Variants in GCNT1 observed in about 807,000 individuals in gnomAD.
The protein encoded by GCNT1 is beta-1,3-galactosyl-O-glycosyl-glycoprotein beta-1,6-N-acetylglucosaminyltransferase.
A neutral mutation model predicts 26.2 loss-of-function variants in GCNT1; 16 were observed. The ratio of observed to expected loss-of-function variants is 0.61; its 90% confidence interval spans 0.41 to 0.93. The LOEUF (loss-of-function observed/expected upper bound fraction) is 0.93. Ranked by LOEUF, GCNT1 falls within the 40% of genes least tolerant of loss-of-function variation. The probability of loss-of-function intolerance (pLI) is 0.00; values close to 1 mark genes in which losing one functional copy is unlikely to be tolerated. For synonymous variants in GCNT1, 183 were observed against 190.8 expected (o/e 0.96, Z 0.34); for missense variants, 477 against 526.7 (o/e 0.91, Z 0.92).
intron 2 of GCNT1, among the ~76,000 whole-genome samples, chr9:76,488,634 A>G (rs1035733406): frequency 6.6e-6 from 1 of 151,980 alleles, no homozygotes; most frequent in Non-Finnish European, 1.5e-5. Context: ...ACAGGCACAC[A>G]CCACCATGCC....
the GCNT1 span, among the ~76,000 whole-genome samples, chr9:76,414,252 T>C: frequency 6.6e-6 from 1 of 152,358 alleles, no homozygotes; most frequent in African/African-American, 2.4e-5. Context: ...TGCCTTTTAG[T>C]GTGCCTTGTC....
chr9:76,449,700 C>A (rs1437680165), intron 1 of GCNT1, among the ~76,000 whole-genome samples: 5 of 152,206 alleles, frequency 3.3e-5, no homozygotes, highest in African/African-American at 1.2e-4. Context: ...GTATAAGCTC[C>A]TGGGTCTAAG....
chr9:76,498,389 C>T lies in GCNT1; in HGVS notation c.-289-2527C>T, dbSNP rs111841849. 4.8e-3 allele frequency among the ~76,000 whole-genome samples: 730 copies of T among 152,152 alleles called. 4 individuals carry two copies. Among genetic ancestry groups the T allele is most frequent in the Middle Eastern group, 0.024 (7 of 294 alleles). ...AACTCTAGTTTTAATTTTCTGTGGA[C>T]CCACCAAACATTCTAAAGCAGCTTC... is the stretch of plus-strand genomic sequence containing the variant. On this transcript the variant is annotated intron_variant, in intron 2 of 3. Transcript: ENST00000376730.
chr9:76,453,018 G>A (rs947342600), intron 1 of GCNT1, among the ~76,000 whole-genome samples: 1 of 152,214 alleles, frequency 6.6e-6, no homozygotes, highest in African/African-American at 2.4e-5. Context: ...TGCTGCTTCA[G>A]TCTGCTTTCA....
intron 1 of GCNT1, among the ~76,000 whole-genome samples, chr9:76,428,302 A>AAAAAAAAAAAG (rs1222053703): frequency 3.3e-5 from 5 of 149,328 alleles, no homozygotes; most frequent in Non-Finnish European, 6.0e-5. Context: ...TAAAAAAAAA[A>AAAAAAAAAAAG]AGAGAGAGAG....
chr9:76,398,090 G>C, the GCNT1 span, among the ~76,000 whole-genome samples: 1 of 152,138 alleles, frequency 6.6e-6, no homozygotes, highest in African/African-American at 2.4e-5. Flanking sequence ...CCTTTCAGCT[G>C]CCTGTAGGGA....
chr9:76,425,887 C>T (rs1436559887), intron 1 of GCNT1, among the ~76,000 whole-genome samples: 1 of 152,056 alleles, frequency 6.6e-6, no homozygotes, highest in Admixed American at 6.6e-5. Flanking sequence ...TCAGATGAAC[C>T]AGTTGATTGA....
At chr9:76,443,897 GA>G (rs1178146348) in intron 1 of GCNT1, among the ~76,000 whole-genome samples, 162 of 49,076 alleles carry the variant, frequency 3.3e-3, no homozygotes, top group Non-Finnish European at 5.5e-3. Flanking sequence ...AAGAAAGAAA[GA>G]AAGGAAGAAA....
the GCNT1 span, chr9:76,398,620 TGC>T: frequency 1.2e-6 from 1 of 805,816 alleles, no homozygotes; most frequent in Non-Finnish European, 2.1e-6. Context: ...TATTTGTTTT[TGC>T]TTTCCGCGCT....
chr9:76,406,705 A>G, the GCNT1 span, among the ~76,000 whole-genome samples: 5 of 151,502 alleles, frequency 3.3e-5, no homozygotes, highest in Admixed American at 1.3e-4. Context: ...CATCTCAAAA[A>G]AGGAAAAAAT....
chr9:76,408,332 T>G, the GCNT1 span, among the ~76,000 whole-genome samples: 3 of 152,220 alleles, frequency 2.0e-5, no homozygotes, highest in Non-Finnish European at 4.4e-5. Context: ...GAATGGGTAT[T>G]GGTTTTATCA....
At chr9:76,494,382 C>G (rs1824844750) in intron 2 of GCNT1, among the ~76,000 whole-genome samples, 3 of 152,082 alleles carry the variant, frequency 2.0e-5, no homozygotes, top group Non-Finnish European at 2.9e-5. Flanking sequence ...AGATGTTATG[C>G]CCCCAAAATG....
At chr9:76,476,793 T>C (rs1824263551) in intron 2 of GCNT1, among the ~76,000 whole-genome samples, 1 of 152,264 alleles carries the variant, frequency 6.6e-6, no homozygotes, top group Admixed American at 6.5e-5. Flanking sequence ...CTTTTATCTC[T>C]AAACTTTCAT....
chr9:76,449,995 A>T (rs1587417433), intron 1 of GCNT1, among the ~76,000 whole-genome samples: 1 of 151,728 alleles, frequency 6.6e-6, no homozygotes, highest in Non-Finnish European at 1.5e-5. Flanking sequence ...CTGGTCTCAA[A>T]CTCCTGACCT....
At chr9:76,476,898 CTTAAA>C (rs905135691) in intron 2 of GCNT1, among the ~76,000 whole-genome samples, 29 of 152,204 alleles carry the variant, frequency 1.9e-4, no homozygotes, top group African/African-American at 6.7e-4. Context: ...ACTGTCTTCT[CTTAAA>C]TTAATTTTAT....
intron 1 of GCNT1, among the ~76,000 whole-genome samples, chr9:76,449,751 A>T (rs1164339111): frequency 6.6e-6 from 1 of 152,106 alleles, no homozygotes; most frequent in Non-Finnish European, 1.5e-5. Flanking sequence ...TGAAGCTTAC[A>T]TATGCAAACA....
At chr9:76,459,554 G>A (rs1007544622) in intron 1 of GCNT1, among the ~76,000 whole-genome samples, 1 of 152,218 alleles carries the variant, frequency 6.6e-6, no homozygotes, top group Admixed American at 6.5e-5. Context: ...TCCCCTGAAA[G>A]TCACTTTCTG....
At chr9:76,482,871 C>G (rs1009726274) in intron 2 of GCNT1, among the ~76,000 whole-genome samples, 1 of 144,198 alleles carries the variant, frequency 6.9e-6, no homozygotes, top group Non-Finnish European at 1.5e-5. Flanking sequence ...AGGCTGGTCT[C>G]AAACTCCTGG....
intron 1 of GCNT1, among the ~76,000 whole-genome samples, chr9:76,424,601 A>G (rs1206379446): frequency 6.6e-6 from 1 of 152,240 alleles, no homozygotes; most frequent in Non-Finnish European, 1.5e-5. Context: ...GAAAAAAACT[A>G]GATAGACAAG....
Sources: gnomAD v4.1 joint callset for allele counts (sites outside exome capture counted in the v4.1 genomes callset) on GRCh38, gnomAD v4.1.1 for gene constraint, MANE v1.5 for transcripts, NCBI Gene and HGNC (gene_info 2026-07-23, HGNC 2026-07-21) for gene names.